Variants in NTRK2 observed in about 807,000 individuals in gnomAD.
The protein encoded by NTRK2 is BDNF/NT-3 growth factors receptor.
NTRK2 carries 13 observed loss-of-function variants against 94.5 expected under a neutral mutation model. The observed-to-expected ratio is 0.14, with a 90% CI of 0.09 to 0.22. NTRK2 has a LOEUF of 0.22. Ranked by LOEUF, NTRK2 falls within the 10% of genes least tolerant of loss-of-function variation. NTRK2 has a pLI of 1.00. For synonymous variants in NTRK2, 372 were observed against 407.4 expected (o/e 0.91, Z 1.05); for missense variants, 639 against 1,071.2 (o/e 0.60, Z 5.63).
chr9:84,855,108 A>G (rs983296238), intron 12 of NTRK2, among the ~76,000 whole-genome samples: 5 of 152,150 alleles, frequency 3.3e-5, no homozygotes, highest in East Asian at 1.9e-4. Flanking sequence ...TTGTCATGAG[A>G]GACTCTGTAG....
chr9:84,966,908 T>A (rs969983769), intron 17 of NTRK2, among the ~76,000 whole-genome samples: 1 of 152,316 alleles, frequency 6.6e-6, no homozygotes, highest in Non-Finnish European at 1.5e-5. Flanking sequence ...CCCTTGACTT[T>A]CCTGAGAGAG....
At chr9:84,707,945 A>G in intron 5 of NTRK2, 33 bp downstream of exon 5, 2 of 1,568,940 alleles carry the variant, frequency 1.3e-6, no homozygotes, top group South Asian at 1.1e-5. Flanking sequence ...ATTTGGGGAA[A>G]TGTTTTCAAA....
At chr9:84,912,237 A>G (rs1469652999) in intron 14 of NTRK2, among the ~76,000 whole-genome samples, 1 of 152,192 alleles carries the variant, frequency 6.6e-6, no homozygotes, top group Non-Finnish European at 1.5e-5. Flanking sequence ...TGAGTAGAGT[A>G]TCCTAGAAAT....
At chr9:84,959,151 T>C (rs1022234571) in intron 17 of NTRK2, among the ~76,000 whole-genome samples, 5 of 152,208 alleles carry the variant, frequency 3.3e-5, no homozygotes, top group Non-Finnish European at 5.9e-5. Flanking sequence ...TTTTTCATTA[T>C]TTTATCCCTA....
At position 84,817,667 on chromosome 9, in the gene NTRK2, T is replaced by G. The variant is rs2072515236; in HGVS notation, c.1397-43373T>G. ...TTTTGAATTATCTATTTAAAAATCTTTGGCTAAGAATGTAAGTAACAACTT... is the reference window on the plus strand; with the variant it reads ...TTTTGAATTATCTATTTAAAAATCTGTGGCTAAGAATGTAAGTAACAACTT... On this transcript the variant is annotated intron_variant, in intron 12 of 18. Transcript: ENST00000277120. 1.3e-5 allele frequency among the ~76,000 whole-genome samples: 2 copies of G among 152,238 alleles called. 1 individual carries two copies. Among genetic ancestry groups the G allele is most frequent in the South Asian group, 4.1e-4 (2 of 4,828 alleles).
chr9:84,877,415 A>C, intron 14 of NTRK2: 1 of 1,065,850 alleles, frequency 9.4e-7, no homozygotes, highest in Non-Finnish European at 1.1e-6. Flanking sequence ...GAGAGAGGGG[A>C]CTTTGAGTGG....
intron 6 of NTRK2, among the ~76,000 whole-genome samples, chr9:84,720,675 GA>G (rs1278110447): frequency 6.6e-6 from 1 of 151,402 alleles, no homozygotes; most frequent in African/African-American, 2.4e-5. Context: ...AGAAAGAGAG[GA>G]AAAAAATGCG....
intron 12 of NTRK2, among the ~76,000 whole-genome samples, chr9:84,849,809 T>C (rs979338677): frequency 1.3e-5 from 2 of 152,188 alleles, no homozygotes; most frequent in African/African-American, 2.4e-5. Flanking sequence ...TACAATTCAG[T>C]CTCTACTATT....
chr9:84,683,256 G>C (rs1204915831), intron 2 of NTRK2, among the ~76,000 whole-genome samples: 1 of 152,184 alleles, frequency 6.6e-6, no homozygotes, highest in Non-Finnish European at 1.5e-5. Flanking sequence ...CATGTGTCAT[G>C]GTGGTTTGCT....
At chr9:84,744,019 A>G (rs1405984862) in intron 10 of NTRK2, among the ~76,000 whole-genome samples, 1 of 152,238 alleles carries the variant, frequency 6.6e-6, no homozygotes, top group African/African-American at 2.4e-5. Context: ...TACCTGGAGA[A>G]GTTTAGCTGG....
chr9:84,670,832 C>T lies in NTRK2; in HGVS notation c.84C>T (p.Ala28=), dbSNP rs776677354. 4.3e-6 allele frequency: 7 copies of T among 1,614,104 alleles called. No homozygotes were observed. The highest frequency in any genetic ancestry group is 5.1e-6 in the Non-Finnish European group (6 of 1,180,028). The change falls in exon 2 of 19, where the codon GCC becomes GCT. Residue 28 remains alanine, a synonymous_variant. Coordinates refer to ENST00000277120, the MANE Select transcript of NTRK2 (RefSeq NM_006180.6). ...FCWLVVGFWR[A]AFACPTSCKC... ...GGCTGGTTGTGGGCTTCTGGAGGGC[C>T]GCTTTCGCCTGTCCCACGTCCTGCA...
intron 12 of NTRK2, among the ~76,000 whole-genome samples, chr9:84,754,261 A>G (rs1237006522): frequency 6.6e-6 from 1 of 152,008 alleles, no homozygotes; most frequent in Non-Finnish European, 1.5e-5. Context: ...CCTCATTCCT[A>G]CACACAAATA....
chr9:84,785,847 G>T (rs1390965396), intron 12 of NTRK2, among the ~76,000 whole-genome samples: 5 of 152,136 alleles, frequency 3.3e-5, no homozygotes, highest in Non-Finnish European at 5.9e-5. Flanking sequence ...CATAAATTTT[G>T]AGAGTCAGGG....
chr9:84,986,927 AC>A (rs1226678113), intron 17 of NTRK2, among the ~76,000 whole-genome samples: 1 of 152,178 alleles, frequency 6.6e-6, no homozygotes, highest in East Asian at 1.9e-4. Context: ...TTAGATTAGA[AC>A]AGATGGTCTT....
chr9:84,826,347 G>A (rs1036675631), intron 12 of NTRK2, among the ~76,000 whole-genome samples: 2 of 152,180 alleles, frequency 1.3e-5, no homozygotes, highest in African/African-American at 4.8e-5. Context: ...CTGAGTCTCT[G>A]TGTCCTCTCT....
intron 13 of NTRK2, among the ~76,000 whole-genome samples, chr9:84,861,395 A>G (rs2075334082): frequency 6.6e-6 from 1 of 152,232 alleles, no homozygotes; most frequent in South Asian, 2.1e-4. Flanking sequence ...AAATACAACT[A>G]CATTTCAGCT....
intron 2 of NTRK2, among the ~76,000 whole-genome samples, chr9:84,701,460 C>G (rs1191638070): frequency 6.6e-6 from 1 of 152,104 alleles, no homozygotes; most frequent in Non-Finnish European, 1.5e-5. Flanking sequence ...GTGCACATCT[C>G]TAAGCCCACC....
At chr9:85,015,960 C>T (rs1832179759) in intron 17 of NTRK2, among the ~76,000 whole-genome samples, 1 of 152,124 alleles carries the variant, frequency 6.6e-6, no homozygotes, top group Non-Finnish European at 1.5e-5. Flanking sequence ...TGGTATGTGG[C>T]TTTAGGTAAA....
At chr9:84,752,720 GA>G (rs1324938792) in intron 12 of NTRK2, among the ~76,000 whole-genome samples, 6 of 152,150 alleles carry the variant, frequency 3.9e-5, no homozygotes, top group African/African-American at 1.4e-4. Flanking sequence ...ATTTTACAGG[GA>G]AAACTTGTAT....
Sources: gnomAD v4.1 joint callset for allele counts (sites outside exome capture counted in the v4.1 genomes callset) on GRCh38, gnomAD v4.1.1 for gene constraint, MANE v1.5 for transcripts, NCBI Gene and HGNC (gene_info 2026-07-23, HGNC 2026-07-21) for gene names.